MRNIP: variants seen among roughly 807,000 people sequenced by gnomAD.
MRNIP encodes the protein MRN complex-interacting protein.
In MRNIP, 30 loss-of-function variants were observed where a neutral mutation model predicts 29.8. That is an observed-to-expected ratio of 1.01 (90% CI 0.75 to 1.36). MRNIP has a LOEUF of 1.36. Ranked by LOEUF, MRNIP falls within the 40% of genes most tolerant of loss-of-function variation. The probability of loss-of-function intolerance (pLI) is 0.00; values close to 1 mark genes in which losing one functional copy is unlikely to be tolerated. For synonymous variants in MRNIP, 201 were observed against 164.1 expected, an observed-to-expected ratio of 1.23 and a Z score of -1.72; for missense variants, 459 against 423.5, an observed-to-expected ratio of 1.08 and a Z score of -0.74.
chr5:179,855,575 G>C (rs1759541938), intron 1 of MRNIP, among the ~76,000 whole-genome samples: 3 of 152,296 alleles, frequency 2.0e-5, no homozygotes, highest in Middle Eastern at 6.8e-3. Context: ...CATCTAATTA[G>C]AACACATAAT....
At chr5:179,856,859 C>G (rs1029141444) in intron 1 of MRNIP, among the ~76,000 whole-genome samples, 1 of 150,542 alleles carries the variant, frequency 6.6e-6, no homozygotes, top group Non-Finnish European at 1.5e-5. Context: ...GGAGCTAAGG[C>G]GGGAAGAACA....
At chr5:179,838,014 G>T in intron 6 of MRNIP, 129 bp from the exon 7 acceptor site, 1 of 857,072 alleles carries the variant, frequency 1.2e-6, no homozygotes, top group Non-Finnish European at 1.8e-6. Flanking sequence ...TGTCAGGCTG[G>T]GACAGGCTTT....
At chr5:179,847,671 G>A (rs1442420822) in intron 3 of MRNIP, 10 of 253,916 alleles carry the variant, frequency 3.9e-5, no homozygotes, top group Non-Finnish European at 6.8e-5. Flanking sequence ...GAACAGCTGT[G>A]TCAAGAGCCT....
At position 179,844,238 on chromosome 5, in the gene MRNIP, G is replaced by T; in HGVS notation, c.216-11C>A. The T allele has an allele frequency of 6.2e-7, 1 of 1,611,388 alleles. No individual in the cohort carries two copies. The highest frequency in any genetic ancestry group is 8.5e-7 in the Non-Finnish European group (1 of 1,177,646). On this transcript the variant is annotated splice_polypyrimidine_tract_variant and intron_variant, in intron 3 of 6. Transcript: ENST00000292586. ...GTTTCTTCTAGAGACCTTCAGGGAAGACCATACATATGCCCTTTGAAAAAT... is the reference window on the plus strand; with the variant it reads ...GTTTCTTCTAGAGACCTTCAGGGAATACCATACATATGCCCTTTGAAAAAT...
At chr5:179,852,359 G>C (rs933388806) in intron 2 of MRNIP, among the ~76,000 whole-genome samples, 1 of 152,014 alleles carries the variant, frequency 6.6e-6, no homozygotes, top group African/African-American at 2.4e-5. Context: ...TAAACAGCTG[G>C]TCACGTGGAT....
intron 1 of MRNIP, among the ~76,000 whole-genome samples, chr5:179,855,166 C>T (rs960735635): frequency 1.3e-5 from 2 of 152,006 alleles, no homozygotes; most frequent in Admixed American, 6.6e-5. Context: ...TTTTTTGAGA[C>T]GGAGTTTCGC....
At chr5:179,856,422 T>G (rs1010802278) in intron 1 of MRNIP, among the ~76,000 whole-genome samples, 1 of 152,160 alleles carries the variant, frequency 6.6e-6, no homozygotes, top group East Asian at 1.9e-4. Flanking sequence ...CGACTTGCAA[T>G]TAAAATTAAA....
chr5:179,853,409 T>C lies in MRNIP; in HGVS notation c.95A>G (p.Lys32Arg), dbSNP rs1406454149. ...AAAGGACTGCTTCTCTCCACAAGCT[T>C]TGCATGTCCACTTGACACTCTTTTT... ...QVKKSVKWTC[K>R]ACGEKQSFLQ... The change falls in exon 2 of 7, where the codon AAA (lysine) becomes AGA (arginine). Residue 32 changes from lysine (K) to arginine (R), a missense_variant. By Grantham distance (26) the Lys-to-Arg change is conservative. Transcript: ENST00000292586. 1 of 1,613,030 alleles carries C rather than the reference T, an allele frequency of 6.2e-7. No individual in the cohort carries two copies.
chr5:179,844,218 T>C lies in MRNIP; in HGVS notation c.225A>G (p.Glu75=). Residue 75 remains glutamate, a synonymous_variant, in exon 4 of 7, where the codon GAA becomes GAG. Transcript: ENST00000292586. The stretch of plus-strand genomic sequence containing the variant: ...CTTCTTCACTGGCACTGACAGTTTC[T>C]TCTAGAGACCTTCAGGGAAGACCAT... ...QVSELPLRSL[E]ETVSASEEEN... 6 of 1,614,040 alleles carry C rather than the reference T, an allele frequency of 3.7e-6. No homozygotes were observed. The highest frequency in any genetic ancestry group is 5.1e-6 in the Non-Finnish European group (6 of 1,179,878).
chr5:179,858,434 T>C (rs1759695978), intron 1 of MRNIP, among the ~76,000 whole-genome samples: 2 of 152,132 alleles, frequency 1.3e-5, no homozygotes, highest in South Asian at 2.1e-4. Context: ...ACAGCGCTAC[T>C]TCGTGGGGTA....
At chr5:179,843,845 G>T (rs1351408799) in intron 4 of MRNIP, among the ~76,000 whole-genome samples, 1 of 152,172 alleles carries the variant, frequency 6.6e-6, no homozygotes, top group African/African-American at 2.4e-5. Flanking sequence ...TCAGAGGTAT[G>T]CCCAGAGTGC....
intron 4 of MRNIP, among the ~76,000 whole-genome samples, chr5:179,843,135 G>A (rs958853458): frequency 3.3e-5 from 5 of 151,844 alleles, no homozygotes. Context: ...CACATAATAA[G>A]GAATCAATAC....
intron 1 of MRNIP, among the ~76,000 whole-genome samples, chr5:179,857,882 C>A (rs2113581667): frequency 6.6e-6 from 1 of 151,994 alleles, no homozygotes; most frequent in East Asian, 2.0e-4. Flanking sequence ...CATGGTGGCG[C>A]ATGCCTGTAA....
chr5:179,848,733 G>A (rs974753830), intron 2 of MRNIP, among the ~76,000 whole-genome samples: 1 of 152,208 alleles, frequency 6.6e-6, no homozygotes, highest in African/African-American at 2.4e-5. Flanking sequence ...TACATAAGGT[G>A]TTCAAAATGG....
At chr5:179,857,999 G>A (rs1759667087) in intron 1 of MRNIP, among the ~76,000 whole-genome samples, 1 of 131,864 alleles carries the variant, frequency 7.6e-6, no homozygotes, top group African/African-American at 3.3e-5. Flanking sequence ...CAACAAGAGC[G>A]AAACTCCGTC....
At chr5:179,839,968 A>AT (rs35284415) in intron 6 of MRNIP, 79,544 of 150,874 alleles carry the variant, frequency 0.53, 21,333 homozygotes, top group East Asian at 0.78. Flanking sequence ...TCTCTAAAAA[A>AT]TTTTTTTTTT....
intron 1 of MRNIP, among the ~76,000 whole-genome samples, chr5:179,855,401 G>A (rs1325471804): frequency 1.3e-5 from 2 of 152,054 alleles, no homozygotes; most frequent in Non-Finnish European, 2.9e-5. Context: ...AAAGTGCTGG[G>A]ATTAAAGGCA....
At chr5:179,850,590 GA>G (rs920519256) in intron 2 of MRNIP, among the ~76,000 whole-genome samples, 1 of 152,202 alleles carries the variant, frequency 6.6e-6, no homozygotes, top group Non-Finnish European at 1.5e-5. Flanking sequence ...GACGCTGACA[GA>G]AGCAATTGTA....
At chr5:179,849,975 G>A (rs934559544) in intron 2 of MRNIP, among the ~76,000 whole-genome samples, 7 of 151,448 alleles carry the variant, frequency 4.6e-5, no homozygotes, top group South Asian at 2.1e-4. Flanking sequence ...TACGGGTCCC[G>A]CTATGGCACA....
Sources: gnomAD v4.1 joint callset for allele counts (sites outside exome capture counted in the v4.1 genomes callset) on GRCh38, gnomAD v4.1.1 for gene constraint, MANE v1.5 for transcripts, NCBI Gene and HGNC (gene_info 2026-07-23, HGNC 2026-07-21) for gene names.